The following TMEM169 variants were observed in gnomAD, a reference collection of about 807,000 sequenced individuals.
The protein encoded by TMEM169 is transmembrane protein 169.
TMEM169 carries 18 observed loss-of-function variants against 27.3 expected under a neutral mutation model. That is an observed-to-expected ratio of 0.66 (90% CI 0.46 to 0.98). TMEM169 has a LOEUF of 0.98. Ranked by LOEUF, TMEM169 falls within the 50% of genes least tolerant of loss-of-function variation. The pLI is 0.00. For missense variants in TMEM169, 320 were observed against 368.6 expected (o/e 0.87, Z 1.08); for synonymous variants, 136 against 142.1 (o/e 0.96, Z 0.30).
chr2:216,100,881 G>A lies in TMEM169; in HGVS notation c.*339G>A. The A allele has an allele frequency of 2.9e-6, 1 of 341,682 alleles. No individual in the cohort carries two copies. Among genetic ancestry groups the A allele is most frequent in the Non-Finnish European group, 5.5e-6 (1 of 182,074 alleles). The allele number at this position is 341,682 out of a possible 1,614,324, so 21.2% of individuals were successfully genotyped here. A position where few individuals can be genotyped will look rare whatever the true frequency, so the allele number is the denominator to read the frequency against. On this transcript the variant is annotated 3_prime_UTR_variant, in exon 3 of 3. Coordinates refer to ENST00000437356, the MANE Select transcript of TMEM169 (RefSeq NM_001142311.2). ...GGGGAGTATGTGACTAAATGTGTCAGGGAGAATAAAGAACCTCGGGGTAAC... is the reference window on the plus strand; with the variant it reads ...GGGGAGTATGTGACTAAATGTGTCAAGGAGAATAAAGAACCTCGGGGTAAC...
chr2:216,091,455 G>T (rs952883020), intron 1 of TMEM169, among the ~76,000 whole-genome samples: 5 of 151,590 alleles, frequency 3.3e-5, no homozygotes, highest in Admixed American at 6.6e-5. Flanking sequence ...TAATTGGGAG[G>T]CTGAGGCAGG....
At chr2:216,089,730 G>T (rs908436763) in intron 1 of TMEM169, among the ~76,000 whole-genome samples, 1 of 152,082 alleles carries the variant, frequency 6.6e-6, no homozygotes, top group Admixed American at 6.5e-5. Context: ...CTGGGATTAC[G>T]GGCATGAGCC....
intron 1 of TMEM169, among the ~76,000 whole-genome samples, chr2:216,088,321 G>A (rs184920241): frequency 3.9e-5 from 6 of 152,234 alleles, no homozygotes; most frequent in East Asian, 3.9e-4. Context: ...AAAATTAGCC[G>A]GGCGTGGTGG....
At chr2:216,097,549 T>G (rs1422930475) in intron 2 of TMEM169, among the ~76,000 whole-genome samples, 2 of 152,088 alleles carry the variant, frequency 1.3e-5, no homozygotes, top group Non-Finnish European at 2.9e-5. Context: ...CACTCCAGCC[T>G]GGGTGACAGA....
At chr2:216,089,727 T>C (rs1476241926) in intron 1 of TMEM169, among the ~76,000 whole-genome samples, 1 of 152,200 alleles carries the variant, frequency 6.6e-6, no homozygotes, top group Non-Finnish European at 1.5e-5. Flanking sequence ...ATGCTGGGAT[T>C]ACGGGCATGA....
intron 1 of TMEM169, among the ~76,000 whole-genome samples, chr2:216,083,259 A>G (rs1017828304): frequency 2.0e-5 from 3 of 152,252 alleles, no homozygotes; most frequent in African/African-American, 7.2e-5. Flanking sequence ...TTAAAATTAC[A>G]ACGCCATCAC....
At chr2:216,090,567 T>A (rs935671413) in intron 1 of TMEM169, among the ~76,000 whole-genome samples, 1 of 152,186 alleles carries the variant, frequency 6.6e-6, no homozygotes, top group African/African-American at 2.4e-5. Flanking sequence ...GAGAAACTAT[T>A]TATAGGAATC....
intron 1 of TMEM169, among the ~76,000 whole-genome samples, chr2:216,085,952 C>T (rs1476636295): frequency 2.0e-5 from 3 of 151,860 alleles, no homozygotes; most frequent in Non-Finnish European, 2.9e-5. Context: ...ATTCTAAGCA[C>T]GAGTTCCAGA....
intron 2 of TMEM169, among the ~76,000 whole-genome samples, chr2:216,098,884 CGTGGTATGTAT>C (rs1696322205): frequency 6.8e-6 from 1 of 147,302 alleles, no homozygotes; most frequent in African/African-American, 2.5e-5. Flanking sequence ...CGTATGTGTG[CGTGGTATGTAT>C]GTGGTATGTG....
intron 1 of TMEM169, among the ~76,000 whole-genome samples, chr2:216,086,459 T>C (rs919159581): frequency 2.0e-5 from 3 of 152,230 alleles, no homozygotes; most frequent in African/African-American, 7.2e-5. Flanking sequence ...TCAAGTCTAT[T>C]GATTAAAGCC....
At chr2:216,098,257 C>T (rs62181308) in intron 2 of TMEM169, among the ~76,000 whole-genome samples, 2 of 152,158 alleles carry the variant, frequency 1.3e-5, no homozygotes, top group Non-Finnish European at 2.9e-5. Flanking sequence ...AGACTGGATG[C>T]TGATGGGAGA....
intron 1 of TMEM169, among the ~76,000 whole-genome samples, chr2:216,093,255 G>A (rs2105984088): frequency 6.6e-6 from 1 of 151,758 alleles, no homozygotes; most frequent in East Asian, 1.9e-4. Context: ...CTGTGTAGAA[G>A]CCACTTTGGT....
At position 216,096,150 on chromosome 2, in the gene TMEM169, G is replaced by A; in HGVS notation, c.187G>A (p.Asp63Asn). ...IIYRSDNEKTDEEPGESEGGD... is the reference protein window; with the variant it reads ...IIYRSDNEKTNEEPGESEGGD... ...CTACCGCTCAGACAATGAGAAAACA[G>A]ATGAGGAGCCCGGAGAATCAGAAGG... The change falls in exon 2 of 3, where the codon GAT becomes AAT. Residue 63 changes from aspartate (D) to asparagine (N), a missense_variant. Physicochemically the swap from Asp to Asn is conservative, Grantham distance 23 (BLOSUM62 1). Coordinates refer to ENST00000437356, the MANE Select transcript of TMEM169 (RefSeq NM_001142311.2). The A allele has an allele frequency of 6.2e-7, 1 of 1,614,146 alleles. No individual in the cohort carries two copies. The highest frequency in any genetic ancestry group is 8.5e-7 in the Non-Finnish European group (1 of 1,180,020).
rs774509622 is a variant in TMEM169 at position 216,099,519 on chromosome 2, C to T, written c.272-401C>T. ...AGGCATGAGAAGGGAAGGTGGTGGC[C>T]GTCCATCAGTCCAGTATCTTCACAG... On this transcript the variant is annotated intron_variant, in intron 2 of 2. Transcript: ENST00000437356. This position sits in a 1 kb window ranked among gnomAD's most constrained non-coding sequence, Gnocchi z 5.0. Among the ~76,000 whole-genome samples, 7 of 152,018 alleles carry T rather than the reference C, an allele frequency of 4.6e-5. No homozygotes were observed. Among genetic ancestry groups the T allele is most frequent in the East Asian group, 1.9e-4 (1 of 5,184 alleles).
intron 2 of TMEM169, among the ~76,000 whole-genome samples, chr2:216,098,935 T>C (rs1291368903): frequency 6.6e-6 from 1 of 151,642 alleles, no homozygotes; most frequent in African/African-American, 2.4e-5. Context: ...ATGTGGTGTG[T>C]GTGTAGAATG....
At chr2:216,084,674 T>G (rs1160256029) in intron 1 of TMEM169, among the ~76,000 whole-genome samples, 1 of 151,978 alleles carries the variant, frequency 6.6e-6, no homozygotes, top group East Asian at 1.9e-4. Flanking sequence ...TTAGTTCGGG[T>G]GTCAAGAAGG....
intron 1 of TMEM169, among the ~76,000 whole-genome samples, chr2:216,084,730 C>A (rs1338114214): frequency 6.6e-6 from 1 of 152,078 alleles, no homozygotes; most frequent in Non-Finnish European, 1.5e-5. Context: ...AAAACAAAAA[C>A]GGGCACAGGA....
intron 1 of TMEM169, among the ~76,000 whole-genome samples, chr2:216,090,012 C>T (rs778353399): frequency 2.6e-5 from 4 of 152,010 alleles, no homozygotes; most frequent in African/African-American, 4.8e-5. Flanking sequence ...AAGTGACTTG[C>T]GCGTGTGCGT....
At position 216,086,737 on chromosome 2, in the gene TMEM169, A is replaced by G. The variant is rs188700948; in HGVS notation, c.-127+4758A>G. Among the ~76,000 whole-genome samples, 321 of 152,336 alleles carry G rather than the reference A, an allele frequency of 2.1e-3. 1 individual carries two copies. Among genetic ancestry groups the G allele is most frequent in the African/African-American group, 7.0e-3 (289 of 41,578 alleles). ...CCTGGGGTTTTCCCATTGGTGGTTAAGAAGAAGAGTAAGACAGTTCCTAAA... is the reference window on the plus strand; with the variant it reads ...CCTGGGGTTTTCCCATTGGTGGTTAGGAAGAAGAGTAAGACAGTTCCTAAA... On this transcript the variant is annotated intron_variant, in intron 1 of 2. Coordinates refer to ENST00000437356, the MANE Select transcript of TMEM169 (RefSeq NM_001142311.2).
Sources: gnomAD v4.1 joint callset for allele counts (sites outside exome capture counted in the v4.1 genomes callset) on GRCh38, gnomAD v4.1.1 for gene constraint, Gnocchi (gnomAD v3.1) non-coding constraint, MANE v1.5 for transcripts, NCBI Gene and HGNC (gene_info 2026-07-23, HGNC 2026-07-21) for gene names.